The following MMP16 variants were observed in gnomAD, a reference collection of about 807,000 sequenced individuals.
The protein encoded by MMP16 is matrix metalloproteinase-16.
A neutral mutation model predicts 67.8 loss-of-function variants in MMP16; 12 were observed. That is an observed-to-expected ratio of 0.18 (90% CI 0.11 to 0.29). The LOEUF (loss-of-function observed/expected upper bound fraction) is 0.29, where lower values mean the gene tolerates loss of function less well. MMP16 is among the 10% of genes least tolerant of loss of function. MMP16 has a pLI of 1.00. For synonymous variants in MMP16, 249 were observed against 255.9 expected (o/e 0.97, Z 0.26); for missense variants, 475 against 765.7 (o/e 0.62, Z 4.48).
intron 1 of MMP16, among the ~76,000 whole-genome samples, chr8:88,203,725 A>C (rs1809380539): frequency 6.6e-6 from 1 of 152,182 alleles, no homozygotes; most frequent in African/African-American, 2.4e-5. Context: ...TGACTACGAA[A>C]ATATTTTGTG....
chr8:88,220,502 A>G (rs1809664345), intron 1 of MMP16, among the ~76,000 whole-genome samples: 1 of 151,278 alleles, frequency 6.6e-6, no homozygotes, highest in African/African-American at 2.4e-5. Flanking sequence ...GATCTGGAGA[A>G]CTGTTCACAT....
At chr8:88,212,271 T>C (rs567236081) in intron 1 of MMP16, among the ~76,000 whole-genome samples, 14 of 152,162 alleles carry the variant, frequency 9.2e-5, no homozygotes, top group Non-Finnish European at 1.5e-4. Flanking sequence ...CTACGAATTA[T>C]GATCTTGAAC....
intron 1 of MMP16, among the ~76,000 whole-genome samples, chr8:88,261,653 T>C (rs1020281705): frequency 1.3e-5 from 2 of 151,970 alleles, no homozygotes; most frequent in Non-Finnish European, 2.9e-5. Flanking sequence ...TCATCATACT[T>C]AAGACCAGAG....
In MMP16 at chr8:88,040,142, A is replaced by C. The variant is rs76310924; in HGVS notation, c.*1319T>G. 331 of 152,750 alleles carry C rather than the reference A, an allele frequency of 2.2e-3. 2 individuals carry two copies. Among genetic ancestry groups the C allele is most frequent in the African/African-American group, 7.3e-3 (304 of 41,570 alleles). 9.5% of individuals were successfully genotyped at this position (152,750 alleles called of 1,614,324 possible). On this transcript the variant is annotated 3_prime_UTR_variant, in exon 10 of 10. Coordinates refer to ENST00000286614, the MANE Select transcript of MMP16 (RefSeq NM_005941.5). ...AACAGAAATTCAGTATGCCTAAAAA[A>C]AAGAAAAGAAGACTTAGGCTATTAT... is the stretch of plus-strand genomic sequence containing the variant.
At chr8:88,135,346 A>T (rs1808100722) in intron 4 of MMP16, among the ~76,000 whole-genome samples, 1 of 151,846 alleles carries the variant, frequency 6.6e-6, no homozygotes, top group South Asian at 2.1e-4. Flanking sequence ...GTGGCTTCTG[A>T]GGTCAATAAA....
chr8:88,067,426 T>TA (rs371726042), intron 7 of MMP16, among the ~76,000 whole-genome samples: 90 of 152,214 alleles, frequency 5.9e-4, no homozygotes, highest in African/African-American at 2.0e-3. Context: ...AGCTTCTTGT[T>TA]AAAAAAACAG....
At chr8:88,109,493 A>G (rs1464345874) in intron 6 of MMP16, among the ~76,000 whole-genome samples, 1 of 151,404 alleles carries the variant, frequency 6.6e-6, no homozygotes, top group Non-Finnish European at 1.5e-5. Flanking sequence ...AATGATAATT[A>G]CAACATAGTT....
chr8:88,046,710 A>T lies in MMP16; in HGVS notation c.1448T>A (p.Ile483Asn). Reference protein sequence around the residue: ...YPKPITVWKGIPESPQGAFVH... With the variant: ...YPKPITVWKGNPESPQGAFVH... ...AAATGCTCCCTGAGGAGATTCAGGG[A>T]TCCCTTTCCAGACTGTGATTGGCTT... Residue 483 changes from isoleucine to asparagine, a missense_variant, in exon 9 of 10, where the codon ATC becomes AAC. Ile to Asn is a moderately radical substitution (Grantham distance 149). Transcript: ENST00000286614. 1 of 1,610,574 alleles carries T rather than the reference A, an allele frequency of 6.2e-7. No individual in the cohort carries two copies. Among genetic ancestry groups the T allele is most frequent in the Non-Finnish European group, 8.5e-7 (1 of 1,179,010 alleles).
At chr8:88,175,806 T>C (rs878931445) in intron 3 of MMP16, among the ~76,000 whole-genome samples, 1 of 152,112 alleles carries the variant, frequency 6.6e-6, no homozygotes, top group Admixed American at 6.6e-5. Flanking sequence ...AATCATGGGG[T>C]CAGGTTTTCC....
chr8:88,311,719 G>C (rs1475882153), intron 1 of MMP16, among the ~76,000 whole-genome samples: 3 of 151,974 alleles, frequency 2.0e-5, no homozygotes, highest in Non-Finnish European at 4.4e-5. Flanking sequence ...TTAATGTTTA[G>C]GAGTGGACAG....
intron 1 of MMP16, among the ~76,000 whole-genome samples, chr8:88,276,899 G>A (rs1435374016): frequency 6.6e-6 from 1 of 152,060 alleles, no homozygotes; most frequent in African/African-American, 2.4e-5. Flanking sequence ...TAGTGATTCA[G>A]TTGAATGTAT....
intron 1 of MMP16, among the ~76,000 whole-genome samples, chr8:88,240,705 A>G (rs1477287689): frequency 6.6e-6 from 1 of 152,174 alleles, no homozygotes; most frequent in Non-Finnish European, 1.5e-5. Context: ...AAATTGTTCC[A>G]GTTCATCTGT....
intron 1 of MMP16, among the ~76,000 whole-genome samples, chr8:88,251,009 T>A: frequency 6.8e-6 from 1 of 147,030 alleles, no homozygotes; most frequent in South Asian, 2.3e-4. Flanking sequence ...TTCCCACCTA[T>A]GAGTGAGAAT....
chr8:88,246,404 T>C (rs1810113162), intron 1 of MMP16, among the ~76,000 whole-genome samples: 1 of 152,212 alleles, frequency 6.6e-6, no homozygotes, highest in Admixed American at 6.5e-5. Context: ...TGAATCCATC[T>C]GTGTGACAAG....
At chr8:88,285,429 C>T (rs1303378260) in intron 1 of MMP16, among the ~76,000 whole-genome samples, 4 of 152,122 alleles carry the variant, frequency 2.6e-5, no homozygotes, top group Non-Finnish European at 4.4e-5. Flanking sequence ...TGTGAGCCAC[C>T]GTGCCCAGCT....
intron 4 of MMP16, among the ~76,000 whole-genome samples, chr8:88,162,153 C>G (rs1808637836): frequency 6.6e-6 from 1 of 151,864 alleles, no homozygotes; most frequent in South Asian, 2.1e-4. Flanking sequence ...AAATTTTCTG[C>G]TACTTTCCAA....
chr8:88,289,163 G>A (rs1230778808), intron 1 of MMP16, among the ~76,000 whole-genome samples: 1 of 152,170 alleles, frequency 6.6e-6, no homozygotes, highest in African/African-American at 2.4e-5. Context: ...GAAGAAGAGA[G>A]AGAGAAAGAG....
intron 6 of MMP16, among the ~76,000 whole-genome samples, chr8:88,086,275 G>T (rs1808832432): frequency 6.6e-6 from 1 of 151,844 alleles, no homozygotes; most frequent in Admixed American, 6.6e-5. Context: ...ACTGCAGTTA[G>T]GGAAAGTAGT....
At chr8:88,109,989 C>T (rs1809306850) in intron 6 of MMP16, among the ~76,000 whole-genome samples, 1 of 150,968 alleles carries the variant, frequency 6.6e-6, no homozygotes, top group Non-Finnish European at 1.5e-5. Flanking sequence ...TAAAATATAT[C>T]CTAAATTCCA....
Sources: gnomAD v4.1 joint callset for allele counts (sites outside exome capture counted in the v4.1 genomes callset) on GRCh38, gnomAD v4.1.1 for gene constraint, MANE v1.5 for transcripts, NCBI Gene and HGNC (gene_info 2026-07-23, HGNC 2026-07-21) for gene names.